Variants in ATRNL1 observed in about 807,000 individuals in gnomAD.
ATRNL1 encodes attractin-like protein 1.
In ATRNL1, 95 loss-of-function variants were observed where a neutral mutation model predicts 182.7. The ratio of observed to expected loss-of-function variants is 0.52; its 90% confidence interval spans 0.44 to 0.62. The LOEUF (loss-of-function observed/expected upper bound fraction) is 0.62. Ranked by LOEUF, ATRNL1 falls within the 20% of genes least tolerant of loss-of-function variation. The pLI, the probability that ATRNL1 is intolerant of heterozygous loss-of-function variation, is 0.00. For synonymous variants in ATRNL1, 576 were observed against 568.3 expected (o/e 1.01, Z -0.19); for missense variants, 1,471 against 1,679.5 (o/e 0.88, Z 2.17).
At chr10:115,867,390 A>G (rs1198846169) in intron 28 of ATRNL1, among the ~76,000 whole-genome samples, 2 of 152,212 alleles carry the variant, frequency 1.3e-5, no homozygotes, top group Non-Finnish European at 1.5e-5. Flanking sequence ...GTCATATAAT[A>G]AGAGGAAGTT....
At chr10:115,741,789 GT>G (rs1948146654) in intron 27 of ATRNL1, among the ~76,000 whole-genome samples, 1 of 152,142 alleles carries the variant, frequency 6.6e-6, no homozygotes, top group African/African-American at 2.4e-5. Flanking sequence ...GGGTCAGAAG[GT>G]TGGGTCTTCT....
At chr10:115,660,883 A>G (rs1860641393) in intron 26 of ATRNL1, among the ~76,000 whole-genome samples, 1 of 152,108 alleles carries the variant, frequency 6.6e-6, no homozygotes, top group Non-Finnish European at 1.5e-5. Context: ...GTAGGATTCT[A>G]TGTATGTTAA....
intron 25 of ATRNL1, among the ~76,000 whole-genome samples, chr10:115,533,144 T>C (rs2133754427): frequency 6.6e-6 from 1 of 152,346 alleles, no homozygotes; most frequent in African/African-American, 2.4e-5. Context: ...ATTCCCTCTT[T>C]TTCTATTGAT....
intron 25 of ATRNL1, among the ~76,000 whole-genome samples, chr10:115,535,740 T>C (rs544596603): frequency 1.3e-4 from 20 of 152,288 alleles, no homozygotes; most frequent in African/African-American, 3.4e-4. Flanking sequence ...TTTGTGGTTT[T>C]ATCTACTTTT....
chr10:115,523,123 C>T (rs1198212605), intron 25 of ATRNL1, among the ~76,000 whole-genome samples: 5 of 152,198 alleles, frequency 3.3e-5, no homozygotes, highest in African/African-American at 1.2e-4. Flanking sequence ...TCAGTGGAAG[C>T]CGACAAGCCT....
At chr10:115,333,364 A>G (rs1339114816) in intron 18 of ATRNL1, among the ~76,000 whole-genome samples, 1 of 152,228 alleles carries the variant, frequency 6.6e-6, no homozygotes, top group Non-Finnish European at 1.5e-5. Flanking sequence ...ACAGATATAT[A>G]AACAATCTCA....
At chr10:115,180,741 A>G (rs782727703) in intron 8 of ATRNL1, among the ~76,000 whole-genome samples, 3 of 151,942 alleles carry the variant, frequency 2.0e-5, no homozygotes, top group Non-Finnish European at 2.9e-5. Context: ...GTCTTGCCAA[A>G]TTGTACCTCA....
intron 26 of ATRNL1, among the ~76,000 whole-genome samples, chr10:115,708,634 CA>C (rs1555053656): frequency 1.3e-5 from 2 of 151,746 alleles, no homozygotes; most frequent in African/African-American, 2.4e-5. Context: ...ATATCTGATA[CA>C]TCATTGTCTG....
chr10:115,642,440 C>CTTTTTTTT (rs71303504), intron 26 of ATRNL1, among the ~76,000 whole-genome samples: 1 of 148,816 alleles, frequency 6.7e-6, no homozygotes, highest in African/African-American at 2.5e-5. Context: ...AATTCTAGTG[C>CTTTTTTTT]TTTTTTTTTT....
intron 26 of ATRNL1, among the ~76,000 whole-genome samples, chr10:115,604,997 A>ATTGTAACAT (rs1856803227): frequency 6.6e-6 from 1 of 152,168 alleles, no homozygotes; most frequent in Non-Finnish European, 1.5e-5. Flanking sequence ...ATAATAGAGG[A>ATTGTAACAT]TTGTAACATT....
intron 26 of ATRNL1, among the ~76,000 whole-genome samples, chr10:115,552,415 A>T (rs1853045582): frequency 6.6e-6 from 1 of 151,432 alleles, no homozygotes. Flanking sequence ...ACCTTTGATT[A>T]GTAAAATGAC....
intron 27 of ATRNL1, among the ~76,000 whole-genome samples, chr10:115,750,345 G>T (rs2960637): frequency 0.021 from 3,130 of 151,930 alleles, 128 homozygotes; most frequent in African/African-American, 0.072. Context: ...AAATTTAGTT[G>T]AAAAATTGGC....
At chr10:115,770,317 A>G (rs1948958128) in intron 27 of ATRNL1, among the ~76,000 whole-genome samples, 1 of 152,294 alleles carries the variant, frequency 6.6e-6, no homozygotes, top group East Asian at 1.9e-4. Flanking sequence ...AAAATGGCAT[A>G]CTAAGCAATG....
chr10:115,415,118 T>C (rs1845326739), intron 20 of ATRNL1, among the ~76,000 whole-genome samples: 1 of 152,036 alleles, frequency 6.6e-6, no homozygotes, highest in Non-Finnish European at 1.5e-5. Context: ...TATTGTCAAG[T>C]TGTCCTCCAT....
At chr10:115,211,291 G>A (rs1849015766) in intron 8 of ATRNL1, among the ~76,000 whole-genome samples, 1 of 150,746 alleles carries the variant, frequency 6.6e-6, no homozygotes, top group South Asian at 2.1e-4. Context: ...AATTCCTGAA[G>A]GATAGTTTCA....
chr10:115,276,016 T>C (rs539313941), intron 13 of ATRNL1, among the ~76,000 whole-genome samples: 11 of 152,274 alleles, frequency 7.2e-5, no homozygotes, highest in African/African-American at 2.6e-4. Flanking sequence ...CTGATCCAAC[T>C]TTATGTTTCG....
At chr10:115,478,579 T>C (rs782602080) in intron 24 of ATRNL1, among the ~76,000 whole-genome samples, 9 of 151,676 alleles carry the variant, frequency 5.9e-5, no homozygotes, top group Non-Finnish European at 1.0e-4. Flanking sequence ...TCAATAATCA[T>C]AGGAGTGACT....
At chr10:115,386,494 A>T (rs1858356952) in intron 19 of ATRNL1, among the ~76,000 whole-genome samples, 1 of 152,260 alleles carries the variant, frequency 6.6e-6, no homozygotes, top group Admixed American at 6.5e-5. Context: ...TGCTGTAAAC[A>T]GTTGTGACTG....
At chr10:115,848,026 A>C in intron 28 of ATRNL1, 35 bp downstream of exon 28, 1 of 1,140,702 alleles carries the variant, frequency 8.8e-7, no homozygotes, top group East Asian at 2.3e-5. Flanking sequence ...CAGTTAAGCA[A>C]AACTTGTAGA....
Sources: gnomAD v4.1 joint callset for allele counts (sites outside exome capture counted in the v4.1 genomes callset) on GRCh38, gnomAD v4.1.1 for gene constraint, MANE v1.5 for transcripts, NCBI Gene and HGNC (gene_info 2026-07-23, HGNC 2026-07-21) for gene names.